Variants in XRCC3 observed in about 807,000 individuals in gnomAD.
The protein encoded by XRCC3 is X-ray repair cross complementing 3.
XRCC3 carries 34 observed loss-of-function variants against 29.2 expected under a neutral mutation model. The ratio of observed to expected loss-of-function variants is 1.16; its 90% CI spans 0.88 to 1.55. The LOEUF (loss-of-function observed/expected upper bound fraction) is 1.55, where lower values mean the gene tolerates loss of function less well. XRCC3 is among the 40% of genes most tolerant of loss of function. The pLI is 0.00. For missense variants in XRCC3, 463 were observed against 467.6 expected, an observed-to-expected ratio of 0.99 and a Z score of 0.09; for synonymous variants, 223 against 211.3, an observed-to-expected ratio of 1.06 and a Z score of -0.48.
At chr14:103,702,038 CT>C (rs1455855997) in intron 7 of XRCC3, 1 of 152,284 alleles carries the variant, frequency 6.6e-6, no homozygotes, top group Admixed American at 6.5e-5. Flanking sequence ...ATCTTTTCTT[CT>C]GCGTCTTTTC....
At chr14:103,709,417 G>A (rs1166572021) in intron 4 of XRCC3, 3 of 154,830 alleles carry the variant, frequency 1.9e-5, no homozygotes, top group Admixed American at 1.3e-4. Context: ...TGGACGAAGC[G>A]CCCCACCCGG....
intron 7 of XRCC3, chr14:103,702,787 C>T (rs2083277203): frequency 1.0e-5 from 3 of 288,508 alleles, no homozygotes; most frequent in Admixed American, 4.4e-5. Context: ...CATCTGTGCA[C>T]GTCCTCATGA....
chr14:103,706,513 G>A (rs149905781), intron 6 of XRCC3: 8 of 416,092 alleles, frequency 1.9e-5, no homozygotes, highest in South Asian at 1.3e-4. Context: ...TTTAACACCT[G>A]AGAGACCCAG....
chr14:103,707,511 G>T, intron 5 of XRCC3: 1 of 507,772 alleles, frequency 2.0e-6, no homozygotes, highest in East Asian at 3.6e-5. Context: ...CTTCCAGAGA[G>T]CCCCGAGGCG....
intron 2 of XRCC3, 32 bp from the exon 3 acceptor site, chr14:103,711,599 G>C (rs1377266555): frequency 2.2e-6 from 1 of 456,284 alleles, no homozygotes; most frequent in African/African-American, 2.0e-5. Flanking sequence ...GTCTGGGATT[G>C]GCAGGGTGCT....
chr14:103,713,748 C>G (rs901024621), intron 1 of XRCC3: 4 of 152,248 alleles, frequency 2.6e-5, no homozygotes, highest in Non-Finnish European at 4.4e-5. Context: ...TTGGGGTGAC[C>G]TGACCCCCCT....
intron 6 of XRCC3, 195 bp downstream of exon 6, chr14:103,706,808 G>T: frequency 1.4e-6 from 1 of 697,870 alleles, no homozygotes; most frequent in South Asian, 1.7e-5. Flanking sequence ...CACCCCTCCT[G>T]CTGTCAGCTG....
chr14:103,700,429 G>A (rs927669901), intron 7 of XRCC3: 3 of 471,718 alleles, frequency 6.4e-6, no homozygotes, highest in Admixed American at 4.2e-5. Context: ...GGTGAGCCAT[G>A]GTGATGGGGG....
At chr14:103,713,379 C>G (rs2083698216) in intron 1 of XRCC3, 1 of 152,404 alleles carries the variant, frequency 6.6e-6, no homozygotes, top group Non-Finnish European at 1.5e-5. Flanking sequence ...TGCCTCTGTC[C>G]TCTCGCCGCT....
At position 103,711,172 on chromosome 14, in the gene XRCC3, A is replaced by G; in HGVS notation, c.-85T>C. 1 of 1,503,584 alleles carries G rather than the reference A, an allele frequency of 6.7e-7. No individual in the cohort carries two copies. Among genetic ancestry groups the G allele is most frequent in the South Asian group, 1.1e-5 (1 of 88,072 alleles). 93.1% of individuals were successfully genotyped at this position (1,503,584 alleles called of 1,614,324 possible). ...GCAAATTCTGAGGCACTCGCCTTCA[A>G]TTCAAAGCCTGTGGGAGGCCCGAAC... On this transcript the variant is annotated 5_prime_UTR_variant, in exon 4 of 10. Coordinates refer to ENST00000555055, the MANE Select transcript of XRCC3 (RefSeq NM_005432.4).
Position 103,711,738 on chromosome 14 carries a change from C to T in XRCC3, c.-260-171G>A, listed in dbSNP as rs1222216097. 28 of 455,858 alleles carry T rather than the reference C, an allele frequency of 6.1e-5. No individual in the cohort carries two copies. The East Asian group carries it at 1.7e-3, about 28-fold the overall frequency. The allele number at this position is 455,858 out of a possible 1,614,324, so 28.2% of individuals were successfully genotyped here. ...GGGAGCTGGCAGCCATTCCACAGCC[C>T]GAGCCTGGCCCAGCAAGGGAGAAGC... On this transcript the variant is annotated intron_variant, in intron 2 of 9. Coordinates refer to ENST00000555055, the MANE Select transcript of XRCC3 (RefSeq NM_005432.4).
At chr14:103,706,643 A>C in intron 6 of XRCC3, 3 of 390,990 alleles carry the variant, frequency 7.7e-6, no homozygotes, top group East Asian at 6.1e-5. Context: ...CACCCGGGGA[A>C]AGGCTGTGCT....
intron 9 of XRCC3, 48 bp downstream of exon 9, chr14:103,699,085 G>A: frequency 6.4e-7 from 1 of 1,565,048 alleles, no homozygotes; most frequent in Non-Finnish European, 8.7e-7. Flanking sequence ...GCCCAGCTGT[G>A]CCCCTGGCAC....
Position 103,699,499 on chromosome 14 carries a change from G to A in XRCC3, c.639C>T (p.Asp213=). The A allele has an allele frequency of 6.2e-7, 1 of 1,613,006 alleles. No individual in the cohort carries two copies. Among genetic ancestry groups the A allele is most frequent in the South Asian group, 1.1e-5 (1 of 91,068 alleles). The part of the protein sequence containing the change: ...SRGMARLVVI[D]SVAAPFRCEF... ...CACAGCGGAATGGGGCTGCCACCGA[G>A]TCGATGACCACCAGGCGAGCCATGC... Residue 213 remains aspartate, a synonymous_variant, in exon 8 of 10, where the codon GAC becomes GAT. Transcript: ENST00000555055.
chr14:103,708,326 A>G (rs1215202344), intron 5 of XRCC3, 196 bp downstream of exon 5: 1 of 786,336 alleles, frequency 1.3e-6, no homozygotes, highest in Non-Finnish European at 2.1e-6. Flanking sequence ...CACCTCACGC[A>G]TCTTCTGACC....
Position 103,707,121 on chromosome 14 carries a change from G to T in XRCC3, c.288C>A (p.Gly96=). The T allele has an allele frequency of 6.5e-7, 1 of 1,550,258 alleles. No individual in the cohort carries two copies. Among genetic ancestry groups the T allele is most frequent in the Non-Finnish European group, 8.7e-7 (1 of 1,147,184 alleles). The change falls in exon 6 of 10, where the codon GGC becomes GGA. Residue 96 remains glycine, a synonymous_variant. Coordinates refer to ENST00000555055, the MANE Select transcript of XRCC3 (RefSeq NM_005432.4). ...CPVLDALLRG[G]LPLDGITELA... is the part of the protein sequence containing the mutation. ...GCTCAGTGATGCCGTCCAGGGGCAG[G>T]CCACCGCGGAGCAGCGCGTCCAGCA...
At chr14:103,707,665 C>CA (rs1394999931) in intron 5 of XRCC3, 2 of 265,434 alleles carry the variant, frequency 7.5e-6, no homozygotes, top group African/African-American at 4.5e-5. Flanking sequence ...TTCTCTGTGA[C>CA]AGATACCATT....
chr14:103,704,550 G>A (rs1303759847), intron 6 of XRCC3: 2 of 152,184 alleles, frequency 1.3e-5, no homozygotes. Flanking sequence ...GGGATTACAA[G>A]GCGTGCGCTA....
At chr14:103,700,793 A>AG in intron 7 of XRCC3, 1 of 1,317,074 alleles carries the variant, frequency 7.6e-7, no homozygotes, top group African/African-American at 1.5e-5. Context: ...TTGCACATGC[A>AG]GGGACTGGGG....
Sources: allele counts gnomAD v4.1 joint callset, GRCh38; gene constraint gnomAD v4.1.1; transcripts MANE v1.5; gene names NCBI Gene and HGNC (gene_info 2026-07-23, HGNC 2026-07-21).